Variants in TUBG2 observed in about 807,000 individuals in gnomAD.
The protein encoded by TUBG2 is tubulin gamma-2 chain.
Under a neutral mutation model 55.1 loss-of-function variants are expected in TUBG2, and 39 were observed. The observed-to-expected ratio is 0.71, with a 90% CI of 0.55 to 0.93. The LOEUF is 0.93. TUBG2 is among the 40% of genes least tolerant of loss of function. The pLI, the probability that TUBG2 is intolerant of heterozygous loss-of-function variation, is 0.00. For synonymous variants in TUBG2, 223 were observed against 241.0 expected (o/e 0.93, Z 0.69); for missense variants, 358 against 599.1 (o/e 0.60, Z 4.20).
chr17:42,666,110 G>C lies in TUBG2; in HGVS notation c.867G>C (p.Thr289=), dbSNP rs374188518. The change falls in exon 9 of 11, where the codon ACG becomes ACC. Residue 289 remains threonine (T), a synonymous_variant. Transcript: ENST00000251412. ...DQSVASVRKT[T]VLDVMRRLLQ... ...AGGTGGCCAGCGTGAGGAAGACCAC[G>C]GTCCTGGATGTCATGAGGCGGCTGC... 7.4e-6 allele frequency: 12 copies of C among 1,614,006 alleles called. No individual in the cohort carries two copies. In the South Asian group the frequency reaches 1.2e-4, roughly 16 times the overall value.
At chr17:42,660,090 G>A (rs978324832) in intron 2 of TUBG2, 59 bp from the exon 3 acceptor site, 1 of 1,350,712 alleles carries the variant, frequency 7.4e-7, no homozygotes, top group Non-Finnish European at 1.0e-6. Context: ...AGAGTTGGGA[G>A]GACTTCGGAC....
At chr17:42,663,107 T>G in intron 5 of TUBG2, 55 bp downstream of exon 5, 2 of 1,569,022 alleles carry the variant, frequency 1.3e-6, no homozygotes, top group South Asian at 1.1e-5. Flanking sequence ...GTAATGTCAT[T>G]GCTTTTTTCT....
chr17:42,666,472 C>T lies in TUBG2; in HGVS notation c.1146C>T (p.Thr382=), dbSNP rs1214242883. 1.2e-6 allele frequency: 2 copies of T among 1,614,128 alleles called. No homozygotes were observed. Among genetic ancestry groups the T allele is most frequent in the Admixed American group, 1.7e-5 (1 of 60,026 alleles). The change falls in exon 10 of 11, where the codon ACC becomes ACT. Residue 382 remains threonine (T), a synonymous_variant. Transcript: ENST00000251412. ...RVSGLMMANH[T]SISSLFESSC... The stretch of plus-strand genomic sequence containing the variant: ...GCGGGCTCATGATGGCCAACCACAC[C>T]AGCATCTCCTCGGTGAGTCTAGGTT...
chr17:42,660,787 G>C, intron 4 of TUBG2, 80 bp downstream of exon 4: 1 of 1,210,620 alleles, frequency 8.3e-7, no homozygotes, highest in Admixed American at 1.9e-5. Context: ...GCCTGGATAG[G>C]TAATATGAGG....
chr17:42,661,793 C>T (rs1241286365), intron 4 of TUBG2, among the ~76,000 whole-genome samples: 2 of 152,162 alleles, frequency 1.3e-5, no homozygotes, highest in African/African-American at 4.8e-5. Flanking sequence ...CTGTGAGCTA[C>T]TCTAACAAAT....
Position 42,660,627 on chromosome 17 carries a change from ATC to A in TUBG2, c.331-8_331-7del. On this transcript the variant is annotated splice_polypyrimidine_tract_variant and intron_variant, in intron 3 of 10. Transcript: ENST00000251412. ...CTTTGGCCTGACCCTCCCTTTCCATATCTCTATACAGGGTGAGAAAATTCATG... is the reference window on the plus strand; with the variant it reads ...CTTTGGCCTGACCCTCCCTTTCCATATCTATACAGGGTGAGAAAATTCATG... The A allele has an allele frequency of 6.2e-7, 1 of 1,613,378 alleles. No homozygotes were observed. Among genetic ancestry groups the A allele is most frequent in the Non-Finnish European group, 8.5e-7 (1 of 1,179,374 alleles).
At chr17:42,663,170 C>A in intron 5 of TUBG2, 118 bp downstream of exon 5, 1 of 1,291,834 alleles carries the variant, frequency 7.7e-7, no homozygotes, top group Non-Finnish European at 1.1e-6. Flanking sequence ...GACAGACCCA[C>A]CCAAGGACCA....
rs199739893 is a variant in TUBG2, at chr17:42,660,241, C to T, written c.255C>T (p.Leu85=). 2.2e-4 allele frequency: 361 copies of T among 1,613,800 alleles called. No individual in the cohort carries two copies. The highest frequency in any genetic ancestry group is 2.9e-4 in the Non-Finnish European group (346 of 1,179,950). Residue 85 remains leucine, a synonymous_variant, in exon 3 of 11, where the codon CTC becomes CTT. Transcript: ENST00000251412. ...HSILNSPYAK[L]YNPENIYLSE... ...TCCTCAACTCCCCCTATGCCAAGCT[C>T]TACAACCCAGAGAACATCTACCTGT...
Position 42,666,683 on chromosome 17 carries a change from G to A in TUBG2, c.1239G>A (p.Met413Ile), listed in dbSNP as rs757765520. 2 of 1,614,074 alleles carry A rather than the reference G, an allele frequency of 1.2e-6. No homozygotes were observed. Among genetic ancestry groups the A allele is most frequent in the Admixed American group, 1.7e-5 (1 of 60,000 alleles). Residue 413 changes from methionine (M) to isoleucine (I), a missense_variant, in exon 11 of 11, where the codon ATG becomes ATA. Around this residue, in one of 8 missense-constraint regions of TUBG2, gnomAD observed 54 missense variants for 50.2 expected, o/e 1.08. Transcript: ENST00000251412. ...TCGAGCAGTTCCGTAAGGAGGACAT[G>A]TTCAAGGACAACTTTGATGAGATGG... ...AFLEQFRKED[M>I]FKDNFDEMDR...
intron 8 of TUBG2, 34 bp from the exon 9 acceptor site, chr17:42,666,053 C>T (rs749048701): frequency 1.2e-5 from 19 of 1,613,526 alleles, no homozygotes; most frequent in East Asian, 8.9e-5. Context: ...GTGCCCTGAG[C>T]GCTGGCCGGG....
intron 5 of TUBG2, 54 bp downstream of exon 5, chr17:42,663,106 T>C: frequency 2.5e-6 from 4 of 1,575,316 alleles, no homozygotes; most frequent in Non-Finnish European, 3.5e-6. Flanking sequence ...AGTAATGTCA[T>C]TGCTTTTTTC....
intron 5 of TUBG2, 34 bp from the exon 6 acceptor site, chr17:42,663,343 C>T (rs771945228): frequency 9.9e-6 from 16 of 1,612,772 alleles, no homozygotes; most frequent in African/African-American, 5.3e-5. Context: ...GGGGTCCTTC[C>T]GGTTCACTAT....
chr17:42,662,887 G>C, intron 4 of TUBG2, 86 bp from the exon 5 acceptor site: 1 of 1,380,484 alleles, frequency 7.2e-7, no homozygotes. Flanking sequence ...GATGTGTGTG[G>C]TAAGACCCCA....
chr17:42,659,381 G>A lies in TUBG2; in HGVS notation c.-123G>A, dbSNP rs1415113438. 9.6e-7 allele frequency: 1 copy of A among 1,041,038 alleles called. No individual in the cohort carries two copies. Among genetic ancestry groups the A allele is most frequent in the Non-Finnish European group, 1.4e-6 (1 of 737,102 alleles). 64.5% of individuals were successfully genotyped at this position (1,041,038 alleles called of 1,614,324 possible). On this transcript the variant is annotated 5_prime_UTR_variant, in exon 1 of 11. Transcript: ENST00000251412. ...CCTGCGCTGCACACGCGCAGACCGAGCATCCGCGTCAAGAGGCGAAGAGAG... is the reference window on the plus strand; with the variant it reads ...CCTGCGCTGCACACGCGCAGACCGAACATCCGCGTCAAGAGGCGAAGAGAG...
At chr17:42,659,992 G>A (rs1455347842) in intron 2 of TUBG2, 46 bp downstream of exon 2, 3 of 1,518,856 alleles carry the variant, frequency 2.0e-6, no homozygotes, top group Middle Eastern at 1.8e-4. Flanking sequence ...CCAAGGGGGC[G>A]GAAGGGAAGG....
chr17:42,666,543 C>T (rs1443717726), intron 10 of TUBG2, 59 bp downstream of exon 10: 59 of 1,613,438 alleles, frequency 3.7e-5, no homozygotes, highest in Non-Finnish European at 4.3e-5. Flanking sequence ...CCTTCATCAT[C>T]TTCCCCAAGT....
chr17:42,663,160 G>A (rs748014461), intron 5 of TUBG2, 108 bp downstream of exon 5: 15 of 1,339,686 alleles, frequency 1.1e-5, no homozygotes, highest in Admixed American at 2.0e-5. Flanking sequence ...GAGTCATAGG[G>A]ACAGACCCAC....
At chr17:42,661,839 T>A (rs1363616094) in intron 4 of TUBG2, among the ~76,000 whole-genome samples, 2 of 152,208 alleles carry the variant, frequency 1.3e-5, no homozygotes. Context: ...AGAACCTCGA[T>A]TTATAGCTGG....
chr17:42,662,248 G>A (rs771278465), intron 4 of TUBG2, among the ~76,000 whole-genome samples: 1 of 152,114 alleles, frequency 6.6e-6, no homozygotes, highest in Non-Finnish European at 1.5e-5. Flanking sequence ...AGGCTGCAGT[G>A]AGCTATGATC....
Sources: gnomAD v4.1 joint callset for allele counts (sites outside exome capture counted in the v4.1 genomes callset) on GRCh38, gnomAD v4.1.1 for gene constraint, gnomAD v4.1.1 regional missense constraint, MANE v1.5 for transcripts, NCBI Gene and HGNC (gene_info 2026-07-23, HGNC 2026-07-21) for gene names.